The following COL21A1 variants were observed in gnomAD, a reference collection of about 807,000 sequenced individuals.
COL21A1 encodes the protein collagen alpha-1(XXI) chain.
In COL21A1, 149 loss-of-function variants were observed where a neutral mutation model predicts 137.9. That is an observed-to-expected ratio of 1.08 (90% CI 0.95 to 1.24). The LOEUF (loss-of-function observed/expected upper bound fraction) is 1.24, where lower values mean the gene tolerates loss of function less well. Ranked by LOEUF, COL21A1 falls within the 50% of genes most tolerant of loss-of-function variation. The pLI is 0.00. For synonymous variants in COL21A1, 456 were observed against 391.5 expected (o/e 1.16, Z -1.95); for missense variants, 1,167 against 1,158.4 (o/e 1.01, Z -0.11).
rs561473785 is a variant in COL21A1, at chr6:56,151,247, C to CA, written c.1434+5639dup. On this transcript the variant is annotated intron_variant, in intron 10 of 29. Transcript: ENST00000244728. ...TCTCAAACAAAACAAAACAAACAAA[C>CA]AAAAAAAGAGTAACTAATGATAACA... 8.8e-4 allele frequency among the ~76,000 whole-genome samples: 134 copies of CA among 151,878 alleles called. 1 individual carries two copies. Among genetic ancestry groups the CA allele is most frequent in the South Asian group, 5.2e-3 (25 of 4,816 alleles).
At chr6:56,131,343 A>T (rs1258094767) in intron 12 of COL21A1, among the ~76,000 whole-genome samples, 1 of 151,566 alleles carries the variant, frequency 6.6e-6, no homozygotes, top group Admixed American at 6.6e-5. Flanking sequence ...TTGACAAGGT[A>T]CTATTTTAAA....
chr6:56,206,689 AATAAATAAATATATATATATAT>A (rs1352315534), intron 1 of COL21A1, among the ~76,000 whole-genome samples: 1,094 of 22,214 alleles, frequency 0.049, 22 homozygotes, highest in Non-Finnish European at 0.063. Flanking sequence ...AAAATAAATA[AATAAATAAATATATATATATAT>A]ATATATATAT....
chr6:56,381,119 C>T (rs543809749), intron 1 of COL21A1, among the ~76,000 whole-genome samples: 4 of 152,172 alleles, frequency 2.6e-5, no homozygotes, highest in African/African-American at 7.2e-5. Flanking sequence ...ATAAATGATG[C>T]CAATCTGCTA....
intron 2 of COL21A1, among the ~76,000 whole-genome samples, chr6:56,181,375 T>C (rs997521893): frequency 3.3e-5 from 5 of 151,712 alleles, no homozygotes; most frequent in Admixed American, 2.0e-4. Flanking sequence ...TAAAGGGTTA[T>C]GCTTTTATTG....
chr6:56,082,977 A>G (rs1272363818), intron 17 of COL21A1, among the ~76,000 whole-genome samples: 1 of 92,088 alleles, frequency 1.1e-5, no homozygotes, highest in Non-Finnish European at 2.2e-5. Flanking sequence ...ATTTTCTTAT[A>G]AAAATAATGA....
At chr6:56,263,408 A>G (rs568531044) in intron 1 of COL21A1, among the ~76,000 whole-genome samples, 1 of 152,312 alleles carries the variant, frequency 6.6e-6, no homozygotes, top group Admixed American at 6.5e-5. Flanking sequence ...TGGTTTTACT[A>G]TGGGGAGTAT....
chr6:56,260,634 AG>A (rs1345836233), intron 1 of COL21A1, among the ~76,000 whole-genome samples: 48 of 22,552 alleles, frequency 2.1e-3, no homozygotes, highest in Middle Eastern at 0.028. Flanking sequence ...AGAGGAAGGA[AG>A]GAAGGAAGGA....
intron 12 of COL21A1, among the ~76,000 whole-genome samples, chr6:56,141,527 G>A (rs1774407890): frequency 6.6e-6 from 1 of 152,136 alleles, no homozygotes; most frequent in Non-Finnish European, 1.5e-5. Context: ...AACTCCCTGT[G>A]GAGCTTAACC....
At position 56,338,322 on chromosome 6, in the gene COL21A1, C is replaced by G. The variant is rs567417414; in HGVS notation, c.-39+55649G>C. On this transcript the variant is annotated intron_variant, in intron 1 of 28. Transcript: ENST00000370819. ...GGAGAAGAGGCACTTTTCTCTAACC[C>G]AGCTAGTAGTGCTCCATACCTATTG... Among the ~76,000 whole-genome samples the G allele has an allele frequency of 2.6e-5, 4 of 152,198 alleles. No homozygotes were observed. In the South Asian group the frequency reaches 6.2e-4, roughly 24 times the overall value.
intron 1 of COL21A1, chr6:56,331,956 A>C (rs1450749308): frequency 6.6e-6 from 1 of 152,116 alleles, no homozygotes; most frequent in Admixed American, 6.6e-5. Context: ...ACAGATAAAA[A>C]CAGGCATTAC....
At chr6:56,100,750 C>T (rs1422525566) in intron 17 of COL21A1, among the ~76,000 whole-genome samples, 2 of 152,168 alleles carry the variant, frequency 1.3e-5, no homozygotes, top group Non-Finnish European at 2.9e-5. Context: ...TTTAATCCCT[C>T]TACCCTATTT....
chr6:56,131,993 A>G (rs1773588661), intron 12 of COL21A1, among the ~76,000 whole-genome samples: 1 of 152,026 alleles, frequency 6.6e-6, no homozygotes, highest in Non-Finnish European at 1.5e-5. Context: ...TATTTTTAAG[A>G]TTATACCTCT....
intron 5 of COL21A1, among the ~76,000 whole-genome samples, chr6:56,169,275 T>C (rs1776840403): frequency 6.6e-6 from 1 of 151,924 alleles, no homozygotes; most frequent in Non-Finnish European, 1.5e-5. Context: ...AGGATTAATC[T>C]CTCTCCCTAC....
intron 1 of COL21A1, among the ~76,000 whole-genome samples, chr6:56,340,692 G>C (rs1391042091): frequency 6.6e-6 from 1 of 152,060 alleles, no homozygotes; most frequent in African/African-American, 2.4e-5. Context: ...ATACCTTACT[G>C]AACACCTTCC....
In COL21A1 at chr6:56,060,128, G is replaced by A; in HGVS notation, c.2498C>T (p.Pro833Leu). ...QHGSPGIPGPPGPIGPEGPRG... is the reference protein window; with the variant it reads ...QHGSPGIPGPLGPIGPEGPRG... The stretch of plus-strand genomic sequence containing the variant: ...GGGACCCTCTGGGCCTATCGGACCA[G>A]GTGGCCCAGGAATACCCGGGGAGCC... Residue 833 changes from proline to leucine, a missense_variant, in exon 28 of 30, where the codon CCT becomes CTT. Physicochemically the swap from Pro to Leu is moderately conservative, Grantham distance 98. Transcript: ENST00000244728. 6.2e-7 allele frequency: 1 copy of A among 1,610,960 alleles called. No homozygotes were observed. The highest frequency in any genetic ancestry group is 8.5e-7 in the Non-Finnish European group (1 of 1,179,060).
chr6:56,291,526 G>A (rs1275646766), intron 1 of COL21A1, among the ~76,000 whole-genome samples: 1 of 152,222 alleles, frequency 6.6e-6, no homozygotes, highest in Non-Finnish European at 1.5e-5. Flanking sequence ...TGAGCACAAA[G>A]TAGTGGGTGC....
intron 1 of COL21A1, among the ~76,000 whole-genome samples, chr6:56,234,752 A>G (rs1781794713): frequency 6.6e-6 from 1 of 151,792 alleles, no homozygotes; most frequent in Non-Finnish European, 1.5e-5. Flanking sequence ...CTCTGCTTAA[A>G]AAATCACACA....
chr6:56,262,873 A>C (rs139522464), intron 1 of COL21A1, among the ~76,000 whole-genome samples: 1 of 152,214 alleles, frequency 6.6e-6, no homozygotes, highest in African/African-American at 2.4e-5. Context: ...GGACTACTCC[A>C]GCTAGAAAGC....
At chr6:56,265,537 T>C (rs553177422) in intron 1 of COL21A1, among the ~76,000 whole-genome samples, 1 of 152,166 alleles carries the variant, frequency 6.6e-6, no homozygotes, top group African/African-American at 2.4e-5. Flanking sequence ...GCAAAGTGAG[T>C]CTAAAGTCTA....
Sources: allele counts gnomAD v4.1 joint callset (sites outside exome capture counted in the v4.1 genomes callset), GRCh38; gene constraint gnomAD v4.1.1; transcripts MANE v1.5; gene names NCBI Gene and HGNC (gene_info 2026-07-23, HGNC 2026-07-21).